LTBP1: variants seen among roughly 807,000 people sequenced by gnomAD.
The protein encoded by LTBP1 is latent transforming growth factor beta binding protein 1.
In LTBP1, 129 loss-of-function variants were observed where a neutral mutation model predicts 207.6. The observed-to-expected ratio is 0.62, with a 90% CI of 0.54 to 0.72. LTBP1 has a LOEUF of 0.72. Ranked by LOEUF, LTBP1 falls within the 30% of genes least tolerant of loss-of-function variation. LTBP1 has a pLI of 0.00. For synonymous variants in LTBP1, 963 were observed against 833.7 expected, an observed-to-expected ratio of 1.16 and a Z score of -2.67; for missense variants, 2,281 against 2,217.2, an observed-to-expected ratio of 1.03 and a Z score of -0.58.
intron 32 of LTBP1, among the ~76,000 whole-genome samples, chr2:33,395,338 A>C (rs1390985676): frequency 6.6e-6 from 1 of 152,148 alleles, no homozygotes; most frequent in Non-Finnish European, 1.5e-5. Context: ...GGCTTTAGAG[A>C]TCCTAAAATT....
intron 12 of LTBP1, among the ~76,000 whole-genome samples, chr2:33,258,275 A>G (rs1224171345): frequency 1.3e-5 from 2 of 152,198 alleles, no homozygotes; most frequent in Non-Finnish European, 2.9e-5. Flanking sequence ...GAAGGAACAA[A>G]CCTTTTGGAT....
chr2:33,188,054 T>C (rs549487314), intron 6 of LTBP1, among the ~76,000 whole-genome samples: 1 of 152,334 alleles, frequency 6.6e-6, no homozygotes, highest in Middle Eastern at 3.4e-3. Flanking sequence ...AAGTTTTAAT[T>C]TCTCTCTATA....
chr2:33,339,241 G>A (rs1206126938), intron 24 of LTBP1, among the ~76,000 whole-genome samples: 1 of 151,918 alleles, frequency 6.6e-6, no homozygotes, highest in African/African-American at 2.4e-5. Flanking sequence ...ATGAGGAGGG[G>A]AGTGATAATA....
chr2:33,305,853 T>C (rs2094081301), intron 22 of LTBP1, among the ~76,000 whole-genome samples: 1 of 152,110 alleles, frequency 6.6e-6, no homozygotes, highest in Admixed American at 6.6e-5. Context: ...GAGTGATGGA[T>C]TGTGTCAAAT....
intron 32 of LTBP1, among the ~76,000 whole-genome samples, chr2:33,396,802 G>T (rs116119155): frequency 0.015 from 2,236 of 152,290 alleles, 21 homozygotes; most frequent in Admixed American, 0.023. Flanking sequence ...TTGCCCTACT[G>T]CAAACTCACG....
chr2:33,295,787 A>C (rs1003812504), intron 20 of LTBP1, among the ~76,000 whole-genome samples: 1 of 152,158 alleles, frequency 6.6e-6, no homozygotes, highest in Non-Finnish European at 1.5e-5. Flanking sequence ...TAAGTGAAGG[A>C]TGTAGGGTGA....
At chr2:33,066,104 A>T (rs1201157675) in intron 3 of LTBP1, among the ~76,000 whole-genome samples, 1 of 152,118 alleles carries the variant, frequency 6.6e-6, no homozygotes, top group Non-Finnish European at 1.5e-5. Flanking sequence ...CTATATACCA[A>T]CCTATAATCA....
At chr2:33,005,765 T>G (rs893180271) in intron 2 of LTBP1, among the ~76,000 whole-genome samples, 2 of 152,082 alleles carry the variant, frequency 1.3e-5, no homozygotes, top group Non-Finnish European at 2.9e-5. Flanking sequence ...TTTTGTATTT[T>G]TAGTAGAGAT....
intron 32 of LTBP1, among the ~76,000 whole-genome samples, chr2:33,392,297 G>A (rs646032): frequency 0.7 from 106,783 of 151,782 alleles, 37,715 homozygotes; most frequent in East Asian, 0.85. Context: ...TGATTGTCCT[G>A]CCTCAGCCTC....
intron 3 of LTBP1, among the ~76,000 whole-genome samples, chr2:33,105,392 C>G (rs774362795): frequency 6.6e-6 from 1 of 150,666 alleles, no homozygotes; most frequent in African/African-American, 2.4e-5. Context: ...CCTTACTGCT[C>G]GAAAATGCTA....
intron 2 of LTBP1, among the ~76,000 whole-genome samples, chr2:32,985,723 A>G (rs556812446): frequency 6.6e-6 from 1 of 152,366 alleles, no homozygotes; most frequent in South Asian, 2.1e-4. Context: ...TAGTAGGTAC[A>G]TGTCAACATG....
At chr2:33,392,730 T>C (rs569205407) in intron 32 of LTBP1, among the ~76,000 whole-genome samples, 2 of 152,342 alleles carry the variant, frequency 1.3e-5, no homozygotes, top group African/African-American at 2.4e-5. Flanking sequence ...AGTTTTACTT[T>C]TTATGTTTTA....
chr2:33,067,714 A>T (rs2077588985), intron 3 of LTBP1, among the ~76,000 whole-genome samples: 1 of 152,200 alleles, frequency 6.6e-6, no homozygotes, highest in Admixed American at 6.5e-5. Flanking sequence ...TGCATAGATT[A>T]GAAGCAAATA....
chr2:33,172,784 C>T (rs559599653), intron 5 of LTBP1, among the ~76,000 whole-genome samples: 1 of 152,228 alleles, frequency 6.6e-6, no homozygotes, highest in Non-Finnish European at 1.5e-5. Context: ...TGTAAAAGAA[C>T]AGAAATGATA....
At chr2:32,974,835 T>C (rs1681459565) in intron 2 of LTBP1, among the ~76,000 whole-genome samples, 1 of 152,228 alleles carries the variant, frequency 6.6e-6, no homozygotes, top group Non-Finnish European at 1.5e-5. Flanking sequence ...TTATCCGACT[T>C]CGTACTCTGT....
intron 7 of LTBP1, among the ~76,000 whole-genome samples, chr2:33,210,689 T>G (rs938140922): frequency 2.0e-5 from 3 of 152,228 alleles, no homozygotes; most frequent in African/African-American, 7.2e-5. Flanking sequence ...TCTCTGACTC[T>G]GCACACCCAC....
At chr2:33,089,424 C>G (rs1337196616) in intron 3 of LTBP1, among the ~76,000 whole-genome samples, 1 of 152,126 alleles carries the variant, frequency 6.6e-6, no homozygotes, top group Non-Finnish European at 1.5e-5. Flanking sequence ...GTGGCAATGT[C>G]TGGAGACATC....
intron 26 of LTBP1, among the ~76,000 whole-genome samples, chr2:33,354,483 A>G (rs2094827583): frequency 6.6e-6 from 1 of 152,194 alleles, no homozygotes; most frequent in Non-Finnish European, 1.5e-5. Context: ...TTGTTTAAAA[A>G]AAAAATATCT....
intron 3 of LTBP1, among the ~76,000 whole-genome samples, chr2:33,030,353 T>C (rs995882102): frequency 3.7e-4 from 57 of 152,236 alleles, no homozygotes; most frequent in African/African-American, 1.3e-3. Context: ...AAGCAACCAT[T>C]TTCCCCTGCC....
Sources: gnomAD v4.1 joint callset for allele counts (sites outside exome capture counted in the v4.1 genomes callset) on GRCh38, gnomAD v4.1.1 for gene constraint, MANE v1.5 for transcripts, NCBI Gene and HGNC (gene_info 2026-07-23, HGNC 2026-07-21) for gene names.